Variants in GPR149 observed in about 807,000 individuals in gnomAD.
GPR149 encodes G protein-coupled receptor 149, also known as probable G protein-coupled receptor 149.
A neutral mutation model predicts 50.2 loss-of-function variants in GPR149; 50 were observed. The ratio of observed to expected loss-of-function variants is 1.00; its 90% CI spans 0.79 to 1.26. The LOEUF (loss-of-function observed/expected upper bound fraction) is 1.26, where lower values mean the gene tolerates loss of function less well. GPR149 is among the 50% of genes most tolerant of loss of function. The pLI is 0.00. For synonymous variants in GPR149, 405 were observed against 358.2 expected, an observed-to-expected ratio of 1.13 and a Z score of -1.48; for missense variants, 983 against 895.4, an observed-to-expected ratio of 1.10 and a Z score of -1.25.
chr3:154,347,937 G>A (rs1713974365), intron 3 of GPR149, among the ~76,000 whole-genome samples: 1 of 152,184 alleles, frequency 6.6e-6, no homozygotes. Flanking sequence ...GGCTGTGGAG[G>A]GTAGTGGTGA....
At chr3:154,345,657 C>T (rs893328955) in intron 3 of GPR149, among the ~76,000 whole-genome samples, 29 of 152,158 alleles carry the variant, frequency 1.9e-4, no homozygotes, top group African/African-American at 6.5e-4. Flanking sequence ...GAGTTACTGA[C>T]CTTCGGCACA....
rs112905499 is a variant in GPR149 at position 154,339,608 on chromosome 3, C to T, written c.1624-1337G>A. Reference sequence around the variant, plus strand: ...CTTAGTTAGACAAATGGGCAGGAGTCGGGGCAGTGGGAGATTGATCACCCT... The same window carrying T: ...CTTAGTTAGACAAATGGGCAGGAGTTGGGGCAGTGGGAGATTGATCACCCT... On this transcript the variant is annotated intron_variant, in intron 3 of 3. Coordinates refer to ENST00000389740, the MANE Select transcript of GPR149 (RefSeq NM_001038705.3). 4.6e-3 allele frequency among the ~76,000 whole-genome samples: 697 copies of T among 152,102 alleles called. 3 individuals are homozygous for T. Among genetic ancestry groups the T allele is most frequent in the African/African-American group, 0.015 (642 of 41,476 alleles).
rs377266853 is a variant in GPR149 at position 154,429,511 on chromosome 3, A to G, written c.105T>C (p.Tyr35=). Residue 35 remains tyrosine (Y), a synonymous_variant, in exon 1 of 4, where the codon TAT becomes TAC. Coordinates refer to ENST00000389740, the MANE Select transcript of GPR149 (RefSeq NM_001038705.3). ...LLNPPGTLNI[Y]LFCLTCLMTF... Reference sequence around the variant, plus strand: ...TCATGAGACATGTCAAGCAAAAAAGATAGATATTCAGGGTTCCTGGCGGAT... The same window carrying G: ...TCATGAGACATGTCAAGCAAAAAAGGTAGATATTCAGGGTTCCTGGCGGAT... 1.2e-6 allele frequency: 2 copies of G among 1,614,184 alleles called. No homozygotes were observed. The highest frequency in any genetic ancestry group is 1.7e-6 in the Non-Finnish European group (2 of 1,180,028).
chr3:154,408,002 CA>C (rs1409367564), intron 3 of GPR149, among the ~76,000 whole-genome samples: 1 of 151,762 alleles, frequency 6.6e-6, no homozygotes, highest in Non-Finnish European at 1.5e-5. Flanking sequence ...TCCCAATGGC[CA>C]AATATAGGAT....
chr3:154,397,934 T>C (rs1266237504), intron 3 of GPR149, among the ~76,000 whole-genome samples: 1 of 148,228 alleles, frequency 6.7e-6, no homozygotes, highest in Non-Finnish European at 1.5e-5. Context: ...TATAAGATTT[T>C]TGTAAAAATC....
At chr3:154,349,065 G>A (rs931612625) in intron 3 of GPR149, among the ~76,000 whole-genome samples, 3 of 151,826 alleles carry the variant, frequency 2.0e-5, no homozygotes, top group African/African-American at 7.3e-5. Context: ...AAAAAAAAAA[G>A]TGAATGAAAA....
intron 3 of GPR149, among the ~76,000 whole-genome samples, chr3:154,374,935 A>G (rs1281891094): frequency 1.3e-5 from 2 of 152,182 alleles, no homozygotes; most frequent in Non-Finnish European, 1.5e-5. Flanking sequence ...CTTCCAAGCT[A>G]TATAATGTGG....
chr3:154,406,429 C>T (rs372407884), intron 3 of GPR149, among the ~76,000 whole-genome samples: 2 of 152,164 alleles, frequency 1.3e-5, no homozygotes, highest in South Asian at 4.1e-4. Flanking sequence ...CCTGAAGCTA[C>T]ACCTCCAACA....
At chr3:154,358,529 A>T (rs1223829893) in intron 3 of GPR149, among the ~76,000 whole-genome samples, 1 of 152,204 alleles carries the variant, frequency 6.6e-6, no homozygotes, top group East Asian at 1.9e-4. Flanking sequence ...AAGAAACTTT[A>T]TTTATCAATA....
In GPR149 at chr3:154,420,630, T is replaced by C. The variant is rs539101604; in HGVS notation, c.1623+409A>G. ...TTCTCACTGCTAGTTGTATAAATATTTGCCTTTACATGAAAAAATAAAACT... is the reference window on the plus strand; with the variant it reads ...TTCTCACTGCTAGTTGTATAAATATCTGCCTTTACATGAAAAAATAAAACT... On this transcript the variant is annotated intron_variant, in intron 3 of 3. Transcript: ENST00000389740. Among the ~76,000 whole-genome samples, 3 of 152,076 alleles carry C rather than the reference T, an allele frequency of 2.0e-5. No individual in the cohort carries two copies. In the East Asian group the frequency reaches 5.8e-4, roughly 29 times the overall value.
chr3:154,373,585 C>T (rs983933449), intron 3 of GPR149, among the ~76,000 whole-genome samples: 2 of 152,182 alleles, frequency 1.3e-5, no homozygotes, highest in Non-Finnish European at 2.9e-5. Context: ...CAGAACTAGT[C>T]ATCAGATGTT....
intron 3 of GPR149, among the ~76,000 whole-genome samples, chr3:154,401,153 G>C (rs1272926700): frequency 6.6e-6 from 1 of 152,120 alleles, no homozygotes; most frequent in Non-Finnish European, 1.5e-5. Flanking sequence ...TCCTATAACT[G>C]CTTAAAATTG....
intron 3 of GPR149, among the ~76,000 whole-genome samples, chr3:154,386,684 G>GTT (rs1186979179): frequency 2.6e-5 from 4 of 152,150 alleles, no homozygotes; most frequent in African/African-American, 9.7e-5. Flanking sequence ...CTATGGACAA[G>GTT]CTACTCCTGT....
intron 3 of GPR149, among the ~76,000 whole-genome samples, chr3:154,386,758 A>T (rs1715052992): frequency 6.6e-6 from 1 of 152,242 alleles, no homozygotes; most frequent in Non-Finnish European, 1.5e-5. Context: ...ACTGCGATTG[A>T]ATTCTCATAT....
intron 3 of GPR149, among the ~76,000 whole-genome samples, chr3:154,402,415 C>CAAATAAAT (rs34746134): frequency 0.16 from 23,038 of 140,672 alleles, 2,073 homozygotes; most frequent in East Asian, 0.26. Flanking sequence ...GACCCTGTCT[C>CAAATAAAT]AAATAAATAA....
intron 3 of GPR149, chr3:154,352,771 A>C: frequency 2.5e-6 from 2 of 802,878 alleles, no homozygotes; most frequent in Non-Finnish European, 4.5e-6. Context: ...TTTAGATTTA[A>C]CTAAATCCAT....
chr3:154,415,563 T>C (rs548248222), intron 3 of GPR149, among the ~76,000 whole-genome samples: 1 of 151,962 alleles, frequency 6.6e-6, no homozygotes, highest in Non-Finnish European at 1.5e-5. Flanking sequence ...GTTAAAGTTA[T>C]GCTGTGAAGT....
At chr3:154,414,234 C>T (rs1400472528) in intron 3 of GPR149, among the ~76,000 whole-genome samples, 2 of 151,692 alleles carry the variant, frequency 1.3e-5, no homozygotes, top group Non-Finnish European at 2.9e-5. Context: ...ATGGGTGCAC[C>T]AAAATCTCAG....
intron 3 of GPR149, among the ~76,000 whole-genome samples, chr3:154,400,872 A>G (rs1711536603): frequency 6.6e-6 from 1 of 152,232 alleles, no homozygotes; most frequent in African/African-American, 2.4e-5. Flanking sequence ...AAAACACATG[A>G]TAATTAGTGA....
Sources: gnomAD v4.1 joint callset for allele counts (sites outside exome capture counted in the v4.1 genomes callset) on GRCh38, gnomAD v4.1.1 for gene constraint, MANE v1.5 for transcripts, NCBI Gene and HGNC (gene_info 2026-07-23, HGNC 2026-07-21) for gene names.